The following CEP192 variants were observed in gnomAD, a reference collection of about 807,000 sequenced individuals.
The protein encoded by CEP192 is centrosomal protein of 192 kDa.
In CEP192, 151 loss-of-function variants were observed where a neutral mutation model predicts 271.8. That is an observed-to-expected ratio of 0.56 (90% CI 0.49 to 0.64). The LOEUF (loss-of-function observed/expected upper bound fraction) is 0.64. Among genes scored for constraint, CEP192 ranks in the 30% least tolerant of loss-of-function variants. The pLI, the probability that CEP192 is intolerant of heterozygous loss-of-function variation, is 0.00. For synonymous variants in CEP192, 995 were observed against 1,076.5 expected (o/e 0.92, Z 1.48); for missense variants, 2,910 against 3,020.5 (o/e 0.96, Z 0.86).
chr18:12,991,997 C>T lies in CEP192; in HGVS notation c.-5+560C>T, dbSNP rs944149377. On this transcript the variant is annotated intron_variant, in intron 1 of 44. Transcript: ENST00000506447. ...GCGTTCATTTATTCCTAATAGTTTA[C>T]CTACATTCCTTGCCTATGATTTCAT... 5.3e-5 allele frequency among the ~76,000 whole-genome samples: 8 copies of T among 152,314 alleles called. No individual in the cohort carries two copies. In the South Asian group the frequency reaches 1.4e-3, roughly 28 times the overall value.
At chr18:13,109,553 C>T (rs1380821650) in intron 40 of CEP192, among the ~76,000 whole-genome samples, 2 of 151,730 alleles carry the variant, frequency 1.3e-5, no homozygotes, top group African/African-American at 4.8e-5. Flanking sequence ...AAAAGGAAAA[C>T]GGAACAACAA....
intron 36 of CEP192, among the ~76,000 whole-genome samples, chr18:13,098,050 A>T (rs1434448008): frequency 6.6e-6 from 1 of 152,140 alleles, no homozygotes; most frequent in Non-Finnish European, 1.5e-5. Context: ...ACTTCTTTCT[A>T]CACAGACACA....
chr18:13,071,309 C>T lies in CEP192; in HGVS notation c.5348+97C>T, dbSNP rs560174628. ...CAGGAAAATTTTGTCATAATAGACA[C>T]TCTTCAGGCTCAATTGTGCAGAACT... is the stretch of plus-strand genomic sequence containing the variant. On this transcript the variant is annotated intron_variant, in intron 28 of 44. Transcript: ENST00000506447. 2.6e-4 allele frequency: 264 copies of T among 997,062 alleles called. 1 individual carries two copies. The highest frequency in any genetic ancestry group is 2.4e-3 in the Middle Eastern group (11 of 4,664). 61.8% of individuals were successfully genotyped at this position (997,062 alleles called of 1,614,324 possible).
intron 38 of CEP192, among the ~76,000 whole-genome samples, chr18:13,102,618 C>G (rs963008927): frequency 1.3e-5 from 2 of 152,166 alleles, no homozygotes; most frequent in African/African-American, 4.8e-5. Flanking sequence ...GACTTGATCT[C>G]CCAGCACTGT....
chr18:13,018,698 T>C (rs1010096437), intron 8 of CEP192, 83 bp downstream of exon 8: 4 of 995,764 alleles, frequency 4.0e-6, no homozygotes, highest in Non-Finnish European at 5.7e-6. Flanking sequence ...TTCTCTGGTA[T>C]GATTTAGCAT....
intron 21 of CEP192, among the ~76,000 whole-genome samples, chr18:13,063,330 T>C (rs1211924245): frequency 6.6e-6 from 1 of 152,228 alleles, no homozygotes; most frequent in African/African-American, 2.4e-5. Context: ...CACATTCTCA[T>C]CAACAGTGTA....
chr18:13,072,528 T>C (rs1223571345), intron 28 of CEP192, among the ~76,000 whole-genome samples: 1 of 152,220 alleles, frequency 6.6e-6, no homozygotes, highest in African/African-American at 2.4e-5. Context: ...TGCAGAGCTA[T>C]AACTGGAGAG....
intron 1 of CEP192, among the ~76,000 whole-genome samples, chr18:12,994,994 A>T (rs2033121887): frequency 6.6e-6 from 1 of 151,824 alleles, no homozygotes; most frequent in African/African-American, 2.4e-5. Flanking sequence ...GTGGCAGGAC[A>T]TGCAAATGAA....
Position 13,087,636 on chromosome 18 carries a change from C to T in CEP192, c.5983C>T (p.Gln1995Ter), listed in dbSNP as rs2038958337. Residue 1995 changes from glutamine (Q) to a stop codon, truncating the protein, a stop_gained, in exon 32 of 45, where the codon CAG becomes TAG. Transcript: ENST00000506447. LOFTEE classifies it high-confidence loss of function. The part of the protein sequence containing the change: ...LFGGDEISRQ[Q>*]YRRALLHKPE... ...TGGTGGAGATGAAATTTCAAGACAG[C>T]AGTATCGCAGGTAGATTACTTATCT... 2.0e-6 allele frequency: 3 copies of T among 1,514,938 alleles called. No homozygotes were observed. Among genetic ancestry groups the T allele is most frequent in the African/African-American group, 1.4e-5 (1 of 71,500 alleles). 93.8% of individuals were successfully genotyped at this position (1,514,938 alleles called of 1,614,324 possible).
intron 40 of CEP192, among the ~76,000 whole-genome samples, chr18:13,108,785 G>A (rs2040073255): frequency 6.6e-6 from 1 of 152,210 alleles, no homozygotes; most frequent in African/African-American, 2.4e-5. Context: ...TGAGGTGGAA[G>A]GATCACGTGA....
At position 13,095,433 on chromosome 18, in the gene CEP192, C is replaced by T. The variant is rs935020933; in HGVS notation, c.6255-70C>T. ...ATAAAAATATGTGATACAATCTGGC[C>T]TTTTATCATTTTTAACTTCTCAGTC... On this transcript the variant is annotated intron_variant, in intron 34 of 44. Transcript: ENST00000506447. The T allele has an allele frequency of 2.7e-5, 32 of 1,191,182 alleles. No homozygotes were observed. The Admixed American group carries it at 3.6e-4, about 13-fold the overall frequency. 73.8% of individuals were successfully genotyped at this position (1,191,182 alleles called of 1,614,324 possible). A position where few individuals can be genotyped will look rare whatever the true frequency, so the allele number is the denominator to read the frequency against.
At chr18:13,037,368 T>C in intron 12 of CEP192, 67 bp downstream of exon 12, 1 of 662,620 alleles carries the variant, frequency 1.5e-6, no homozygotes, top group South Asian at 1.8e-5. Flanking sequence ...GTAGGCACAG[T>C]GTTCATTTCT....
At chr18:13,097,596 G>A (rs1324511149) in intron 36 of CEP192, among the ~76,000 whole-genome samples, 1 of 146,610 alleles carries the variant, frequency 6.8e-6, no homozygotes, top group Non-Finnish European at 1.5e-5. Context: ...CTTTTAAAAT[G>A]GTATTCCTAA....
chr18:12,998,069 A>C (rs779831713), intron 1 of CEP192, among the ~76,000 whole-genome samples: 19 of 152,064 alleles, frequency 1.2e-4, no homozygotes, highest in Non-Finnish European at 2.8e-4. Flanking sequence ...TTTTCTTTTT[A>C]TATTTTATAA....
intron 21 of CEP192, among the ~76,000 whole-genome samples, chr18:13,066,241 G>A (rs1045029095): frequency 2.0e-4 from 31 of 152,104 alleles, no homozygotes; most frequent in African/African-American, 7.2e-4. Flanking sequence ...GATTTATCAA[G>A]CTATTTATAC....
At chr18:13,055,659 T>C (rs1268691898) in intron 18 of CEP192, 121 bp from the exon 19 acceptor site, 7 of 637,826 alleles carry the variant, frequency 1.1e-5, no homozygotes, top group Non-Finnish European at 7.7e-6. Context: ...TGTAAACCAA[T>C]TTTTTTTCAA....
chr18:13,064,041 G>T (rs1020967893), intron 21 of CEP192, among the ~76,000 whole-genome samples: 9 of 151,600 alleles, frequency 5.9e-5, no homozygotes, highest in Admixed American at 5.2e-4. Context: ...GGCTGGTCTT[G>T]ATCTCCTGAC....
At chr18:13,083,196 A>G (rs1244178539) in intron 30 of CEP192, among the ~76,000 whole-genome samples, 1 of 152,114 alleles carries the variant, frequency 6.6e-6, no homozygotes. Context: ...GTTCTCCTGG[A>G]TAATATCCTG....
At chr18:12,994,534 G>C (rs2033091907) in intron 1 of CEP192, among the ~76,000 whole-genome samples, 1 of 152,022 alleles carries the variant, frequency 6.6e-6, no homozygotes, top group African/African-American at 2.4e-5. Flanking sequence ...ATTAATTGTA[G>C]GGTGGCAAGA....
Sources: gnomAD v4.1 joint callset for allele counts (sites outside exome capture counted in the v4.1 genomes callset) on GRCh38, gnomAD v4.1.1 for gene constraint, MANE v1.5 for transcripts, NCBI Gene and HGNC (gene_info 2026-07-23, HGNC 2026-07-21) for gene names.